KDM6A: variants seen among roughly 807,000 people sequenced by gnomAD.
The protein encoded by KDM6A is lysine demethylase 6A, also known as lysine-specific demethylase 6A.
In KDM6A, 11 loss-of-function variants were observed where a neutral mutation model predicts 117.6. That is an observed-to-expected ratio of 0.09 (90% CI 0.06 to 0.15). The LOEUF is 0.15. Ranked by LOEUF, KDM6A falls within the 10% of genes least tolerant of loss-of-function variation. KDM6A has a pLI of 1.00. For missense variants in KDM6A, 799 were observed against 1,077.3 expected, an observed-to-expected ratio of 0.74 and a Z score of 3.62; for synonymous variants, 384 against 396.1, an observed-to-expected ratio of 0.97 and a Z score of 0.36.
chrX:44,975,815 T>G (rs942314502), intron 4 of KDM6A, among the ~76,000 whole-genome samples: 1 of 111,971 alleles, frequency 8.9e-6, no homozygotes, highest in Non-Finnish European at 1.9e-5. Flanking sequence ...AGATGTTTTG[T>G]GCAGATAAGG....
chrX:45,108,286 T>A (rs936898171), intron 28 of KDM6A, among the ~76,000 whole-genome samples: 1 of 111,436 alleles, frequency 9.0e-6, no homozygotes, highest in African/African-American at 3.3e-5. Context: ...AAAGGTTGAA[T>A]GTGTTCCGAT....
At chrX:44,906,440 C>T (rs995320478) in intron 2 of KDM6A, among the ~76,000 whole-genome samples, 2 of 110,229 alleles carry the variant, frequency 1.8e-5, no homozygotes, top group East Asian at 5.7e-4. Flanking sequence ...TGTGAGATAC[C>T]GTGTATGGCC....
At chrX:44,876,865 A>AT (rs1356718048) in intron 2 of KDM6A, among the ~76,000 whole-genome samples, 1 of 111,226 alleles carries the variant, frequency 9.0e-6, no homozygotes, top group African/African-American at 3.3e-5. Flanking sequence ...ACGTATACAT[A>AT]TATACACACG....
intron 4 of KDM6A, among the ~76,000 whole-genome samples, chrX:45,008,335 C>A (rs2041600557): frequency 9.0e-6 from 1 of 111,160 alleles, no homozygotes; most frequent in Admixed American, 9.5e-5. Flanking sequence ...GATCGCACCA[C>A]TGCACTCCAG....
chrX:45,071,221 C>T (rs1163271679), intron 18 of KDM6A, among the ~76,000 whole-genome samples: 1 of 111,989 alleles, frequency 8.9e-6, no homozygotes, highest in Non-Finnish European at 1.9e-5. Flanking sequence ...TTTGAGCAGA[C>T]ATATAGTAGA....
At chrX:45,037,711 A>G (rs1356662258) in intron 8 of KDM6A, 22 bp downstream of exon 8, 51 of 1,145,098 alleles carry the variant, frequency 4.5e-5, no homozygotes, top group Non-Finnish European at 6.1e-5. Flanking sequence ...AACTTATTCT[A>G]TTTAAAACAA....
intron 2 of KDM6A, among the ~76,000 whole-genome samples, chrX:44,932,752 G>A (rs967218657): frequency 9.0e-6 from 1 of 111,062 alleles, no homozygotes; most frequent in Non-Finnish European, 1.9e-5. Context: ...GAAAATGCTG[G>A]TACAGAATTT....
chrX:45,067,418 C>T (rs938094696), intron 17 of KDM6A, among the ~76,000 whole-genome samples: 15 of 111,233 alleles, frequency 1.3e-4, no homozygotes, highest in Non-Finnish European at 2.6e-4. Flanking sequence ...AATAATTGGC[C>T]TCTGAATTAA....
chrX:44,988,958 G>T (rs1273659240), intron 4 of KDM6A, among the ~76,000 whole-genome samples: 3 of 109,986 alleles, frequency 2.7e-5, no homozygotes, highest in Non-Finnish European at 5.7e-5. Context: ...ATCTAAGTCT[G>T]CAGAGGATTC....
intron 8 of KDM6A, 66 bp downstream of exon 8, chrX:45,037,755 T>C (rs913827428): frequency 2.8e-5 from 25 of 886,152 alleles, no homozygotes; most frequent in Non-Finnish European, 3.3e-6. Flanking sequence ...TATCATGCTT[T>C]ACTGAAATCA....
At chrX:44,925,184 C>T (rs2036231761) in intron 2 of KDM6A, among the ~76,000 whole-genome samples, 1 of 111,184 alleles carries the variant, frequency 9.0e-6, no homozygotes, top group Non-Finnish European at 1.9e-5. Flanking sequence ...AGTCCTCTCT[C>T]TGCAGCCCCC....
chrX:44,887,756 G>T (rs940771953), intron 2 of KDM6A, among the ~76,000 whole-genome samples: 1 of 111,096 alleles, frequency 9.0e-6, no homozygotes, highest in Non-Finnish European at 1.9e-5. Context: ...TTATACCTAG[G>T]AAGAACAATA....
chrX:44,926,813 C>A (rs1436783223), intron 2 of KDM6A, among the ~76,000 whole-genome samples: 1 of 111,229 alleles, frequency 9.0e-6, no homozygotes, highest in Non-Finnish European at 1.9e-5. Context: ...CCGTTCCTAC[C>A]AAACTGTTTA....
intron 13 of KDM6A, 115 bp downstream of exon 13, chrX:45,060,271 T>A: frequency 1.8e-6 from 2 of 1,088,905 alleles, no homozygotes; most frequent in Non-Finnish European, 1.2e-6. Flanking sequence ...AAAAGCCTTT[T>A]GATTTAATTG....
At chrX:44,911,260 A>G (rs1232160257) in intron 2 of KDM6A, among the ~76,000 whole-genome samples, 2 of 108,155 alleles carry the variant, frequency 1.8e-5, no homozygotes, top group African/African-American at 6.8e-5. Context: ...GGGGCTCCTC[A>G]CTTCTCAGAT....
intron 27 of KDM6A, among the ~76,000 whole-genome samples, chrX:45,102,032 C>A (rs1407724990): frequency 9.0e-6 from 1 of 111,588 alleles, no homozygotes; most frequent in Non-Finnish European, 1.9e-5. Flanking sequence ...CTCTACAGCT[C>A]TTTCTATGGT....
At chrX:44,956,689 C>T (rs1364637858) in intron 2 of KDM6A, among the ~76,000 whole-genome samples, 1 of 111,755 alleles carries the variant, frequency 8.9e-6, no homozygotes, top group East Asian at 2.8e-4. Flanking sequence ...GGATTATAGG[C>T]GTGAGCCATC....
chrX:44,928,071 T>A (rs1186841599), intron 2 of KDM6A, among the ~76,000 whole-genome samples: 1 of 111,303 alleles, frequency 9.0e-6, no homozygotes, highest in African/African-American at 3.3e-5. Flanking sequence ...GACAAGACAA[T>A]ACAATGCAAA....
intron 2 of KDM6A, among the ~76,000 whole-genome samples, chrX:44,902,228 C>CA (rs1214689341): frequency 9.1e-6 from 1 of 110,121 alleles, no homozygotes; most frequent in East Asian, 2.9e-4. Context: ...GACTCCATCT[C>CA]AAAAAAACAA....
Sources: gnomAD v4.1 joint callset for allele counts (sites outside exome capture counted in the v4.1 genomes callset) on GRCh38, gnomAD v4.1.1 for gene constraint, MANE v1.5 for transcripts, NCBI Gene and HGNC (gene_info 2026-07-23, HGNC 2026-07-21) for gene names.